Variants in LYN observed in about 807,000 individuals in gnomAD.
LYN encodes the protein tyrosine-protein kinase Lyn.
Under a neutral mutation model 65.0 loss-of-function variants are expected in LYN, and 12 were observed. That is an observed-to-expected ratio of 0.18 (90% CI 0.12 to 0.30). LYN has a LOEUF of 0.30. Among genes scored for constraint, LYN ranks in the 10% least tolerant of loss-of-function variants. LYN has a pLI of 1.00. For missense variants in LYN, 380 were observed against 623.2 expected (o/e 0.61, Z 4.16); for synonymous variants, 222 against 221.2 (o/e 1.00, Z -0.03).
At chr8:55,906,192 G>A (rs41429544) in intron 1 of LYN, among the ~76,000 whole-genome samples, 7,467 of 152,124 alleles carry the variant, frequency 0.049, 615 homozygotes, top group African/African-American at 0.17. Flanking sequence ...GGATTTAATC[G>A]GGGTTGGTTG....
At chr8:56,005,704 TAGTG>T (rs1483017173) in intron 12 of LYN, among the ~76,000 whole-genome samples, 4 of 152,136 alleles carry the variant, frequency 2.6e-5, no homozygotes, top group South Asian at 2.1e-4. Flanking sequence ...AAAAAGAAAA[TAGTG>T]AGGAGGAGGC....
At chr8:55,961,857 C>T (rs1380942018) in intron 8 of LYN, among the ~76,000 whole-genome samples, 3 of 152,022 alleles carry the variant, frequency 2.0e-5, no homozygotes, top group Non-Finnish European at 4.4e-5. Context: ...CCCCAGAAGC[C>T]CCCACCGTCC....
At chr8:55,951,220 C>T (rs1384426222) in intron 6 of LYN, among the ~76,000 whole-genome samples, 1 of 151,646 alleles carries the variant, frequency 6.6e-6, no homozygotes, top group African/African-American at 2.4e-5. Context: ...TCTAACTAGC[C>T]TGAGTGACAG....
At chr8:55,934,959 A>G (rs1472738060) in intron 1 of LYN, among the ~76,000 whole-genome samples, 1 of 152,078 alleles carries the variant, frequency 6.6e-6, no homozygotes, top group Admixed American at 6.6e-5. Flanking sequence ...CACCTTAGTC[A>G]CAGACAGGAG....
At chr8:55,992,571 T>C (rs2667975) in intron 10 of LYN, among the ~76,000 whole-genome samples, 40,282 of 152,164 alleles carry the variant, frequency 0.26, 5,797 homozygotes, top group African/African-American at 0.35. Context: ...GAGTTGCATC[T>C]GGACTTCCTC....
chr8:55,921,779 A>G (rs1316889861), intron 1 of LYN, among the ~76,000 whole-genome samples: 4 of 152,142 alleles, frequency 2.6e-5, no homozygotes, highest in Non-Finnish European at 4.4e-5. Flanking sequence ...TGTTGGCAGG[A>G]GTGTTGATAG....
chr8:56,008,001 C>G, intron 12 of LYN, among the ~76,000 whole-genome samples: 1 of 151,920 alleles, frequency 6.6e-6, no homozygotes, highest in Non-Finnish European at 1.5e-5. Flanking sequence ...CACCTGTAAT[C>G]CCAGCTACTT....
intron 8 of LYN, among the ~76,000 whole-genome samples, chr8:55,962,577 A>G (rs891705637): frequency 6.6e-6 from 1 of 151,806 alleles, no homozygotes; most frequent in Admixed American, 6.6e-5. Flanking sequence ...TCTTCATTCC[A>G]TATGGTATTG....
chr8:55,967,774 C>T (rs1807504619), intron 9 of LYN, among the ~76,000 whole-genome samples: 2 of 152,160 alleles, frequency 1.3e-5, no homozygotes, highest in South Asian at 4.1e-4. Context: ...ATCAATTTTT[C>T]TTCTACTGTG....
At chr8:55,922,449 G>A (rs1274886300) in intron 1 of LYN, among the ~76,000 whole-genome samples, 2 of 151,148 alleles carry the variant, frequency 1.3e-5, no homozygotes, top group Admixed American at 6.6e-5. Context: ...ATCTAATCAG[G>A]TAAATAATAG....
rs878944007 is a variant in LYN, at chr8:56,010,572, TAA to T, written c.*476_*477del. 6.9e-4 allele frequency: 140 copies of T among 202,556 alleles called. No individual in the cohort carries two copies. Among genetic ancestry groups the T allele is most frequent in the East Asian group, 1.3e-3 (18 of 13,776 alleles). The allele number at this position is 202,556 out of a possible 1,614,324, so 12.5% of individuals were successfully genotyped here. ...TTCTTTGTGCTTTGGCTTACTTGTT[TAA>T]AAAAAAAAAAAAACTAATCCAACCT... On this transcript the variant is annotated 3_prime_UTR_variant, in exon 13 of 13. Coordinates refer to ENST00000519728, the MANE Select transcript of LYN (RefSeq NM_002350.4).
At chr8:55,974,365 A>C (rs1190598015) in intron 10 of LYN, among the ~76,000 whole-genome samples, 2 of 152,194 alleles carry the variant, frequency 1.3e-5, no homozygotes, top group Non-Finnish European at 2.9e-5. Flanking sequence ...GGTTATGCTC[A>C]AGGTATATTT....
At position 56,011,538 on chromosome 8, in the gene LYN, A is replaced by G. The variant is rs1808817821; in HGVS notation, c.*1428A>G. On this transcript the variant is annotated 3_prime_UTR_variant, in exon 13 of 13. Transcript: ENST00000519728. ...TTCCTTTGAACATTTCAGATTGGAGAACCAAGGAGTTGATTGCCTGAACAC... is the reference window on the plus strand; with the variant it reads ...TTCCTTTGAACATTTCAGATTGGAGGACCAAGGAGTTGATTGCCTGAACAC... The G allele has an allele frequency of 5.2e-6, 1 of 192,444 alleles. No homozygotes were observed. Among genetic ancestry groups the G allele is most frequent in the Non-Finnish European group, 1.1e-5 (1 of 92,252 alleles). 11.9% of individuals were successfully genotyped at this position (192,444 alleles called of 1,614,324 possible).
chr8:55,989,777 TG>T (rs1458487497), intron 10 of LYN, among the ~76,000 whole-genome samples: 1 of 152,164 alleles, frequency 6.6e-6, no homozygotes, highest in African/African-American at 2.4e-5. Flanking sequence ...CCTGGGAACA[TG>T]TGTCCAAGGT....
intron 1 of LYN, among the ~76,000 whole-genome samples, chr8:55,883,754 C>A (rs897347807): frequency 6.6e-6 from 1 of 152,178 alleles, no homozygotes; most frequent in African/African-American, 2.4e-5. Context: ...ATTTTGAGCA[C>A]CTGCTGTGTG....
chr8:55,966,946 A>C (rs1807477042), intron 9 of LYN, 49 bp downstream of exon 9: 1 of 1,558,008 alleles, frequency 6.4e-7, no homozygotes, highest in Admixed American at 1.8e-5. Flanking sequence ...AAACTCAAAA[A>C]GTAAAATGTG....
chr8:56,012,737 C>A lies in LYN; in HGVS notation c.*2627C>A, dbSNP rs115218765. The A allele has an allele frequency of 0.013, 2,034 of 151,992 alleles. 42 individuals are homozygous for A. Among genetic ancestry groups the A allele is most frequent in the African/African-American group, 0.039 (1,603 of 41,246 alleles). 9.4% of individuals were successfully genotyped at this position (151,992 alleles called of 1,614,324 possible). A position where few individuals can be genotyped will look rare whatever the true frequency, so the allele number is the denominator to read the frequency against. ...GTCTCAAAAAAAAAAACCAAAAAAA[C>A]AAAAAAACCCTTCCCTGGTGAATAT... is the stretch of plus-strand genomic sequence containing the variant. On this transcript the variant is annotated 3_prime_UTR_variant, in exon 13 of 13. Transcript: ENST00000519728.
rs559920059 is a variant in LYN, at chr8:55,991,445, A to G, written c.1051-6901A>G. Among the ~76,000 whole-genome samples, 22 of 152,282 alleles carry G rather than the reference A, an allele frequency of 1.4e-4. No individual in the cohort carries two copies. In the South Asian group the frequency reaches 2.1e-3, roughly 14 times the overall value. On this transcript the variant is annotated intron_variant, in intron 10 of 12. Transcript: ENST00000519728. Reference sequence around the variant, plus strand: ...GACTAACTCCTTTTCTTCTCATTGTATGTTACAAAGGCCACTCTAGATGAC... The same window carrying G: ...GACTAACTCCTTTTCTTCTCATTGTGTGTTACAAAGGCCACTCTAGATGAC...
chr8:55,986,766 C>T (rs78366878), intron 10 of LYN, among the ~76,000 whole-genome samples: 1,536 of 152,256 alleles, frequency 0.01, 30 homozygotes, highest in African/African-American at 0.035. Flanking sequence ...TTTCTGTTGT[C>T]CTAGGCTAGA....
Sources: gnomAD v4.1 joint callset for allele counts (sites outside exome capture counted in the v4.1 genomes callset) on GRCh38, gnomAD v4.1.1 for gene constraint, MANE v1.5 for transcripts, NCBI Gene and HGNC (gene_info 2026-07-23, HGNC 2026-07-21) for gene names.